Variants in NECAB2 observed in about 807,000 individuals in gnomAD.
NECAB2 encodes the protein N-terminal EF-hand calcium binding protein 2.
A neutral mutation model predicts 51.9 loss-of-function variants in NECAB2; 68 were observed. The ratio of observed to expected loss-of-function variants is 1.31; its 90% CI spans 1.08 to 1.60. The LOEUF (loss-of-function observed/expected upper bound fraction) is 1.60. NECAB2 is among the 40% of genes most tolerant of loss of function. NECAB2 has a pLI of 0.00. For missense variants in NECAB2, 854 were observed against 490.3 expected, an observed-to-expected ratio of 1.74 and a Z score of -7.00; for synonymous variants, 329 against 203.5, an observed-to-expected ratio of 1.62 and a Z score of -5.25.
At chr16:83,967,772 AGGGT>A (rs1346831182), upstream of NECAB2, among the ~76,000 whole-genome samples, 1 of 106,280 alleles carries the variant, frequency 9.4e-6, no homozygotes, top group Non-Finnish European at 1.9e-5. Flanking sequence ...GGATGGATGG[AGGGT>A]GGATGGATGG....
At chr16:83,972,960 G>A (rs8045754) in intron 2 of NECAB2, among the ~76,000 whole-genome samples, 11,841 of 152,278 alleles carry the variant, frequency 0.078, 1,401 homozygotes, top group African/African-American at 0.26. Flanking sequence ...CTTGAACCAA[G>A]ACAGATTCCC....
chr16:83,990,070 G>A (rs2084602822), intron 5 of NECAB2, among the ~76,000 whole-genome samples: 1 of 152,200 alleles, frequency 6.6e-6, no homozygotes, highest in South Asian at 2.1e-4. Context: ...CCTTGTCACA[G>A]CAACAACAAA....
In NECAB2 at chr16:84,002,752, G is replaced by C. The variant is rs8045237; in HGVS notation, c.*406G>C. ...CAGGTAGCCACCACTGTGCCCAGGC[G>C]CCAAATAAACCCTGGTTGGGAAGAG... On this transcript the variant is annotated 3_prime_UTR_variant, in exon 13 of 13. Transcript: ENST00000305202. The C allele has an allele frequency of 1.4e-5, 3 of 215,752 alleles. No individual in the cohort carries two copies. In the East Asian group the frequency reaches 3.1e-4, roughly 22 times the overall value. The allele number at this position is 215,752 out of a possible 1,614,324, so 13.4% of individuals were successfully genotyped here. A position where few individuals can be genotyped will look rare whatever the true frequency, so the allele number is the denominator to read the frequency against.
chr16:83,966,093 C>A, upstream of NECAB2: 3 of 1,150,198 alleles, frequency 2.6e-6, no homozygotes, highest in Non-Finnish European at 3.6e-6. Context: ...TCCAAAGATG[C>A]CCCGGGGAGG....
At chr16:84,002,065 C>T (rs1183557352) in intron 12 of NECAB2, 149 bp downstream of exon 12, 4 of 1,040,310 alleles carry the variant, frequency 3.8e-6, no homozygotes, top group Non-Finnish European at 5.7e-6. Context: ...CAGAGCCAGC[C>T]CTGAGGTGGC....
At chr16:83,972,992 G>A (rs959311417) in intron 2 of NECAB2, among the ~76,000 whole-genome samples, 1 of 152,242 alleles carries the variant, frequency 6.6e-6, no homozygotes. Flanking sequence ...TGGTTTTCCC[G>A]TGGGTAAAGT....
rs776147932 is a variant in NECAB2 at position 83,997,285 on chromosome 16, A to T, written c.849+16A>T. 1.2e-6 allele frequency: 2 copies of T among 1,613,556 alleles called. No homozygotes were observed. The highest frequency in any genetic ancestry group is 2.2e-5 in the South Asian group (2 of 91,054). On this transcript the variant is annotated intron_variant, in intron 9 of 12. Coordinates refer to ENST00000305202, the MANE Select transcript of NECAB2 (RefSeq NM_019065.3). ...CACCAACATGGTGAGGCCCCTTCCC[A>T]CCTCTCTTCTGGGACCACATCCCTA...
intron 11 of NECAB2, among the ~76,000 whole-genome samples, chr16:84,001,083 G>A (rs939161019): frequency 1.3e-5 from 2 of 152,110 alleles, no homozygotes; most frequent in Non-Finnish European, 2.9e-5. Context: ...CAGCCCTGGG[G>A]GCCGAGGCAC....
Position 83,989,058 on chromosome 16 carries a change from G to T in NECAB2, c.460-1436G>T, listed in dbSNP as rs148767612. 7.0e-3 allele frequency among the ~76,000 whole-genome samples: 1,073 copies of T among 152,246 alleles called. 5 individuals carry two copies. The highest frequency in any genetic ancestry group is 0.01 in the Non-Finnish European group (710 of 68,024). On this transcript the variant is annotated intron_variant, in intron 5 of 12. Transcript: ENST00000305202. ...TGACCACATCTTCAGTCACTGGTCCGGGTGCTTTTAACACACTTCAGCCCA... is the reference window on the plus strand; with the variant it reads ...TGACCACATCTTCAGTCACTGGTCCTGGTGCTTTTAACACACTTCAGCCCA...
chr16:83,985,502 A>C (rs2084542035), intron 5 of NECAB2, among the ~76,000 whole-genome samples: 1 of 150,788 alleles, frequency 6.6e-6, no homozygotes. Context: ...GCGTGGTGGC[A>C]GTTGTGTGTA....
intron 11 of NECAB2, among the ~76,000 whole-genome samples, chr16:84,001,613 A>G (rs1413987130): frequency 2.0e-5 from 3 of 152,096 alleles, no homozygotes; most frequent in African/African-American, 4.8e-5. Flanking sequence ...CTGCCCATTT[A>G]TAGCTCACAG....
chr16:83,968,155 C>G (rs1402401618), upstream of NECAB2, among the ~76,000 whole-genome samples: 1 of 151,340 alleles, frequency 6.6e-6, no homozygotes, highest in East Asian at 2.0e-4. Context: ...CGCCCGCGGG[C>G]GTGACGGGGC....
chr16:83,969,337 G>T (rs955609505), intron 1 of NECAB2, among the ~76,000 whole-genome samples: 3 of 151,670 alleles, frequency 2.0e-5, no homozygotes, highest in African/African-American at 7.3e-5. Flanking sequence ...TTCATCTCAC[G>T]CTCAAAGACC....
intron 11 of NECAB2, among the ~76,000 whole-genome samples, chr16:84,001,385 G>T (rs4997518): frequency 6.6e-6 from 1 of 151,782 alleles, no homozygotes; most frequent in African/African-American, 2.4e-5. Flanking sequence ...AAACACTCAC[G>T]GTTTGCTGAC....
intron 11 of NECAB2, 59 bp from the exon 12 acceptor site, chr16:84,001,766 A>T: frequency 6.4e-7 from 1 of 1,569,396 alleles, no homozygotes; most frequent in Non-Finnish European, 8.8e-7. Flanking sequence ...TTAACAGGGG[A>T]GCCACACGCG....
chr16:84,002,219 C>A, intron 12 of NECAB2, 99 bp from the exon 13 acceptor site: 2 of 1,462,520 alleles, frequency 1.4e-6, no homozygotes, highest in South Asian at 1.1e-5. Flanking sequence ...CACAAGGACT[C>A]AAAGCCATCC....
Position 83,968,489 on chromosome 16 carries a change from C to G in NECAB2, c.-160C>G. ...CGTGGCTCGGGGTCCGGCCGGCCCG[C>G]CCCCCGGCGCCGGCCAGTCCCCGCG... On this transcript the variant is annotated 5_prime_UTR_variant, in exon 1 of 13. Coordinates refer to ENST00000305202, the MANE Select transcript of NECAB2 (RefSeq NM_019065.3). 1.2e-5 allele frequency: 5 copies of G among 432,534 alleles called. No homozygotes were observed. Among genetic ancestry groups the G allele is most frequent in the Non-Finnish European group, 1.5e-5 (5 of 328,366 alleles). The allele number at this position is 432,534 out of a possible 1,614,324, so 26.8% of individuals were successfully genotyped here.
chr16:83,974,856 G>A (rs1239370391), intron 2 of NECAB2, among the ~76,000 whole-genome samples: 1 of 151,840 alleles, frequency 6.6e-6, no homozygotes, highest in Non-Finnish European at 1.5e-5. Context: ...CCAAGAATGA[G>A]AGCAGGTGTG....
intron 6 of NECAB2, chr16:83,993,280 T>G (rs923951236): frequency 6.6e-6 from 1 of 152,192 alleles, no homozygotes; most frequent in Admixed American, 6.5e-5. Context: ...TTTAATTTCC[T>G]GCTGGTTTAT....
Sources: allele counts gnomAD v4.1 joint callset (sites outside exome capture counted in the v4.1 genomes callset), GRCh38; gene constraint gnomAD v4.1.1; transcripts MANE v1.5; gene names NCBI Gene and HGNC (gene_info 2026-07-23, HGNC 2026-07-21).